COP1: variants seen among roughly 807,000 people sequenced by gnomAD.
The protein encoded by COP1 is COP1 E3 ubiquitin ligase.
COP1 carries 24 observed loss-of-function variants against 101.3 expected under a neutral mutation model. The observed-to-expected ratio is 0.24, with a 90% confidence interval of 0.17 to 0.33. The LOEUF (loss-of-function observed/expected upper bound fraction) is 0.33, where lower values mean the gene tolerates loss of function less well. COP1 is among the 10% of genes least tolerant of loss of function. The pLI is 1.00. For synonymous variants in COP1, 347 were observed against 341.9 expected (o/e 1.01, Z -0.17); for missense variants, 663 against 906.2 (o/e 0.73, Z 3.45).
chr1:176,019,613 G>T (rs540247321), intron 15 of COP1, among the ~76,000 whole-genome samples: 15 of 150,858 alleles, frequency 9.9e-5, no homozygotes, highest in African/African-American at 3.4e-4. Flanking sequence ...GCAATCCCAG[G>T]ACCATGGGAA....
At chr1:176,105,150 T>C (rs776162304) in intron 9 of COP1, among the ~76,000 whole-genome samples, 5 of 151,742 alleles carry the variant, frequency 3.3e-5, no homozygotes, top group Admixed American at 6.6e-5. Flanking sequence ...AGAAATGGAG[T>C]AGAAAAGATG....
chr1:176,107,312 A>G lies in COP1; in HGVS notation c.1026+9312T>C, dbSNP rs968173649. Reference sequence around the variant, plus strand: ...GAGCATACTTAAGATTTTTGGTTTTAAAATATATTTCTCCACTAAAAGAAA... The same window carrying G: ...GAGCATACTTAAGATTTTTGGTTTTGAAATATATTTCTCCACTAAAAGAAA... On this transcript the variant is annotated intron_variant, in intron 9 of 19. Transcript: ENST00000367669. Among the ~76,000 whole-genome samples the G allele has an allele frequency of 2.6e-4, 40 of 152,164 alleles. 1 individual carries two copies. Among genetic ancestry groups the G allele is most frequent in the Non-Finnish European group, 1.5e-5 (1 of 68,026 alleles).
intron 1 of COP1, among the ~76,000 whole-genome samples, chr1:176,195,650 A>G (rs1699595341): frequency 6.6e-6 from 1 of 152,234 alleles, no homozygotes; most frequent in Non-Finnish European, 1.5e-5. Flanking sequence ...GTCACAAATC[A>G]GACATAGAAT....
At chr1:176,156,213 G>A (rs537524831) in intron 5 of COP1, among the ~76,000 whole-genome samples, 2 of 152,186 alleles carry the variant, frequency 1.3e-5, no homozygotes, top group South Asian at 4.1e-4. Context: ...CAAACATATT[G>A]TCCTTGAAGT....
chr1:176,124,605 T>C (rs539932919), intron 8 of COP1, among the ~76,000 whole-genome samples: 42 of 152,208 alleles, frequency 2.8e-4, no homozygotes, highest in Middle Eastern at 3.2e-3. Context: ...CAGAATCTTA[T>C]TCATTTTATG....
chr1:176,199,072 C>T (rs889199112), intron 1 of COP1, among the ~76,000 whole-genome samples: 3 of 152,110 alleles, frequency 2.0e-5, no homozygotes, highest in African/African-American at 7.2e-5. Flanking sequence ...AATCCCAGCA[C>T]TTTGGGAGGC....
At chr1:176,037,646 G>C (rs1263979479) in intron 14 of COP1, among the ~76,000 whole-genome samples, 3 of 152,054 alleles carry the variant, frequency 2.0e-5, no homozygotes, top group Non-Finnish European at 1.5e-5. Context: ...GCTAATTCAA[G>C]TTTTGAAAGT....
chr1:175,975,512 C>T (rs544994870), intron 18 of COP1, among the ~76,000 whole-genome samples: 4 of 152,148 alleles, frequency 2.6e-5, no homozygotes, highest in East Asian at 3.9e-4. Flanking sequence ...TGGGTTCAAG[C>T]GATTCTCATG....
intron 18 of COP1, among the ~76,000 whole-genome samples, chr1:175,966,192 TTAAAC>T (rs1215736012): frequency 6.6e-6 from 1 of 152,094 alleles, no homozygotes; most frequent in Non-Finnish European, 1.5e-5. Context: ...GTCTTGGTCT[TTAAAC>T]TAAAATGTTA....
chr1:176,186,590 A>G (rs769813251), intron 1 of COP1, among the ~76,000 whole-genome samples: 24 of 152,198 alleles, frequency 1.6e-4, no homozygotes, highest in Admixed American at 2.6e-4. Flanking sequence ...GGAATGTGTT[A>G]AAGACTTCGG....
intron 15 of COP1, among the ~76,000 whole-genome samples, chr1:176,023,106 T>C (rs1667038821): frequency 6.6e-6 from 1 of 152,162 alleles, no homozygotes; most frequent in Non-Finnish European, 1.5e-5. Context: ...ATTTCAATAG[T>C]GCCACTAGCT....
At chr1:175,994,362 T>A (rs942854969) in intron 15 of COP1, among the ~76,000 whole-genome samples, 3 of 152,252 alleles carry the variant, frequency 2.0e-5, no homozygotes, top group Admixed American at 2.0e-4. Context: ...CCAGTTAACA[T>A]CATAATGACA....
At chr1:176,170,780 C>T (rs888612270) in intron 3 of COP1, among the ~76,000 whole-genome samples, 3 of 152,136 alleles carry the variant, frequency 2.0e-5, no homozygotes, top group Non-Finnish European at 4.4e-5. Context: ...TGAAGGCAGG[C>T]ACTGACTTCC....
chr1:175,987,039 C>T lies in COP1; in HGVS notation c.2037G>A (p.Lys679=), dbSNP rs1302352300. ...KGLSKTLLTF[K]FDTVKSVLDK... is the part of the protein sequence containing the mutation. ...CGAGAACACTTTTGACTGTATCAAA[C>T]TTAAAAGTTAGCAAAGTCTTAGAAA... is the stretch of plus-strand genomic sequence containing the variant. Residue 679 remains lysine (K), a synonymous_variant, in exon 18 of 20, where the codon AAG becomes AAA. Transcript: ENST00000367669. The T allele has an allele frequency of 1.9e-6, 3 of 1,606,144 alleles. No individual in the cohort carries two copies. Among genetic ancestry groups the T allele is most frequent in the South Asian group, 1.1e-5 (1 of 90,558 alleles).
In COP1 at chr1:176,058,678, C is replaced by T. The variant is rs558922662; in HGVS notation, c.1278-12354G>A. The stretch of plus-strand genomic sequence containing the variant: ...CAGAGACCTTTGTTCACTTGTTTAT[C>T]TGCTGACCTTCCCTCCACTATTGTC... On this transcript the variant is annotated intron_variant, in intron 11 of 19. Coordinates refer to ENST00000367669, the MANE Select transcript of COP1 (RefSeq NM_022457.7). Among the ~76,000 whole-genome samples, 1,154 of 151,568 alleles carry T rather than the reference C, an allele frequency of 7.6e-3. 17 individuals carry two copies. Among genetic ancestry groups the T allele is most frequent in the African/African-American group, 0.026 (1,074 of 41,258 alleles).
At chr1:176,141,431 G>A (rs911881187) in intron 6 of COP1, among the ~76,000 whole-genome samples, 1 of 152,126 alleles carries the variant, frequency 6.6e-6, no homozygotes. Flanking sequence ...AACCCGGGAG[G>A]TGCAGGTTGC....
In COP1 at chr1:176,043,761, G is replaced by A. The variant is rs1436893101; in HGVS notation, c.1479C>T (p.Gly493=). The A allele has an allele frequency of 6.2e-7, 1 of 1,612,002 alleles. No homozygotes were observed. Among genetic ancestry groups the A allele is most frequent in the Non-Finnish European group, 8.5e-7 (1 of 1,178,312 alleles). Reference sequence around the variant, plus strand: ...TGAATCCATCCCATAAAATAACAGTGCCTTCATAATCACTGCTAGCTAACA... The same window carrying A: ...TGAATCCATCCCATAAAATAACAGTACCTTCATAATCACTGCTAGCTAACA... ...KNLLASSDYE[G]TVILWDGFTG... Residue 493 remains glycine (G), a synonymous_variant, in exon 13 of 20, where the codon GGC becomes GGT. Coordinates refer to ENST00000367669, the MANE Select transcript of COP1 (RefSeq NM_022457.7).
At position 176,163,076 on chromosome 1, in the gene COP1, A is replaced by G. The variant is rs1015224970; in HGVS notation, c.643-88T>C. Reference sequence around the variant, plus strand: ...AAATGTTTACTTGCTACTTCCTAATATGCTCATTACATAGATATCGAAAAT... The same window carrying G: ...AAATGTTTACTTGCTACTTCCTAATGTGCTCATTACATAGATATCGAAAAT... On this transcript the variant is annotated intron_variant, in intron 4 of 19. Transcript: ENST00000367669. The G allele has an allele frequency of 2.3e-6, 3 of 1,324,680 alleles. No individual in the cohort carries two copies. The African/African-American group carries it at 4.5e-5, about 20-fold the overall frequency. 82.1% of individuals were successfully genotyped at this position (1,324,680 alleles called of 1,614,324 possible). A position where few individuals can be genotyped will look rare whatever the true frequency, so the allele number is the denominator to read the frequency against.
At chr1:176,083,012 T>A (rs1679467314) in intron 10 of COP1, among the ~76,000 whole-genome samples, 1 of 152,112 alleles carries the variant, frequency 6.6e-6, no homozygotes, top group South Asian at 2.1e-4. Flanking sequence ...GGCAATATCA[T>A]AACGGTATTG....
Sources: allele counts gnomAD v4.1 joint callset (sites outside exome capture counted in the v4.1 genomes callset), GRCh38; gene constraint gnomAD v4.1.1; transcripts MANE v1.5; gene names NCBI Gene and HGNC (gene_info 2026-07-23, HGNC 2026-07-21).